TAFA2: variants seen among roughly 807,000 people sequenced by gnomAD.
The protein encoded by TAFA2 is TAFA chemokine like family member 2, also known as chemokine-like protein TAFA-2.
TAFA2 carries 7 observed loss-of-function variants against 18.8 expected under a neutral mutation model. The ratio of observed to expected loss-of-function variants is 0.37; its 90% CI spans 0.21 to 0.70. TAFA2 has a LOEUF of 0.70. TAFA2 is among the 30% of genes least tolerant of loss of function. The pLI is 0.53. For missense variants in TAFA2, 122 were observed against 158.1 expected (o/e 0.77, Z 1.23); for synonymous variants, 60 against 54.2 (o/e 1.11, Z -0.47).
chr12:62,010,232 G>A (rs1663474), intron 1 of TAFA2, among the ~76,000 whole-genome samples: 52,066 of 145,598 alleles, frequency 0.36, 9,254 homozygotes, highest in East Asian at 0.46. Context: ...TTGTACTGCC[G>A]TGGTCTCGGC....
intron 2 of TAFA2, among the ~76,000 whole-genome samples, chr12:61,784,883 A>G (rs946069859): frequency 2.0e-5 from 3 of 151,442 alleles, no homozygotes; most frequent in Admixed American, 1.3e-4. Flanking sequence ...TGATGTTTCC[A>G]TACATACAAT....
At chr12:62,112,964 C>T (rs576093033) in intron 1 of TAFA2, among the ~76,000 whole-genome samples, 1 of 152,168 alleles carries the variant, frequency 6.6e-6, no homozygotes, top group East Asian at 1.9e-4. Context: ...TATTACCCAC[C>T]TTCTGAAGCC....
At chr12:61,753,951 T>C (rs938259197) in intron 3 of TAFA2, among the ~76,000 whole-genome samples, 1 of 152,110 alleles carries the variant, frequency 6.6e-6, no homozygotes, top group Admixed American at 6.6e-5. Flanking sequence ...TTTTTTATTT[T>C]ATTGTAATGA....
intron 1 of TAFA2, among the ~76,000 whole-genome samples, chr12:62,213,266 A>C (rs1424166507): frequency 6.6e-6 from 1 of 152,148 alleles, no homozygotes; most frequent in Non-Finnish European, 1.5e-5. Flanking sequence ...CCCTAGGTGT[A>C]CTCTGTTTAT....
At chr12:62,054,807 A>G (rs979412948) in intron 1 of TAFA2, among the ~76,000 whole-genome samples, 3 of 152,214 alleles carry the variant, frequency 2.0e-5, no homozygotes, top group African/African-American at 4.8e-5. Flanking sequence ...TGGTGATTTC[A>G]GGAATACAGA....
At chr12:61,991,707 T>A (rs953182873) in intron 1 of TAFA2, among the ~76,000 whole-genome samples, 7 of 152,292 alleles carry the variant, frequency 4.6e-5, no homozygotes, top group African/African-American at 1.4e-4. Flanking sequence ...CTTAAAAGAT[T>A]TTTCTGTGCT....
At chr12:61,920,028 G>A (rs769876381) in intron 1 of TAFA2, among the ~76,000 whole-genome samples, 1 of 152,062 alleles carries the variant, frequency 6.6e-6, no homozygotes, top group Non-Finnish European at 1.5e-5. Context: ...TAAAAATAAA[G>A]TAATGACTCT....
chr12:61,735,937 T>G (rs2120676470), intron 4 of TAFA2, among the ~76,000 whole-genome samples: 3 of 152,150 alleles, frequency 2.0e-5, no homozygotes, highest in Admixed American at 2.0e-4. Flanking sequence ...AAGCATGCCT[T>G]AAACATATCT....
rs138171430 is a variant in TAFA2, at chr12:62,190,301, G to A, written c.-2+958C>T. Among the ~76,000 whole-genome samples, 377 of 152,220 alleles carry A rather than the reference G, an allele frequency of 2.5e-3. 1 individual carries two copies. The highest frequency in any genetic ancestry group is 8.8e-3 in the African/African-American group (364 of 41,530). ...TCAACCTGCAGTTCTGAGAGAAATAGGGCGACGGATCTCAAACTTTCCTTT... is the reference window on the plus strand; with the variant it reads ...TCAACCTGCAGTTCTGAGAGAAATAAGGCGACGGATCTCAAACTTTCCTTT... On this transcript the variant is annotated intron_variant, in intron 1 of 4. Transcript: ENST00000416284.
chr12:61,766,591 C>A (rs1869801574), intron 2 of TAFA2, among the ~76,000 whole-genome samples: 1 of 152,040 alleles, frequency 6.6e-6, no homozygotes, highest in Non-Finnish European at 1.5e-5. Context: ...TTTATATTTA[C>A]TTTTTATATC....
chr12:61,818,661 C>G (rs569145835), intron 2 of TAFA2, among the ~76,000 whole-genome samples: 1 of 152,196 alleles, frequency 6.6e-6, no homozygotes, highest in East Asian at 1.9e-4. Flanking sequence ...TACTGGGGTC[C>G]CTGAGATAGT....
At chr12:62,256,030 A>G (rs1002336575) in intron 1 of TAFA2, among the ~76,000 whole-genome samples, 2 of 152,092 alleles carry the variant, frequency 1.3e-5, no homozygotes, top group African/African-American at 4.8e-5. Context: ...GCACTTTGGG[A>G]GGCTGAGGCG....
intron 4 of TAFA2, among the ~76,000 whole-genome samples, chr12:61,745,091 C>T (rs1418412040): frequency 1.3e-5 from 2 of 151,980 alleles, no homozygotes; most frequent in Non-Finnish European, 2.9e-5. Context: ...CTGAATCTCT[C>T]ATTACTATAG....
intron 1 of TAFA2, among the ~76,000 whole-genome samples, chr12:61,991,097 C>G (rs1212438544): frequency 6.6e-6 from 1 of 152,126 alleles, no homozygotes; most frequent in Non-Finnish European, 1.5e-5. Context: ...TTTTCTGGAA[C>G]CAGGTTGTCT....
At chr12:62,161,213 C>A (rs972352193) in intron 1 of TAFA2, among the ~76,000 whole-genome samples, 2 of 152,042 alleles carry the variant, frequency 1.3e-5, no homozygotes, top group East Asian at 1.9e-4. Context: ...CAGATAAATA[C>A]CAAAGAAAAA....
chr12:61,944,187 C>A (rs1445260118), intron 1 of TAFA2, among the ~76,000 whole-genome samples: 9 of 146,300 alleles, frequency 6.2e-5, no homozygotes, highest in African/African-American at 2.3e-4. Context: ...AACTGAACAA[C>A]CTGCTCCTGA....
intron 2 of TAFA2, among the ~76,000 whole-genome samples, chr12:61,808,904 A>G (rs575248300): frequency 9.9e-5 from 15 of 151,750 alleles, no homozygotes; most frequent in African/African-American, 3.7e-4. Context: ...AAATTGTATT[A>G]TTAAATGTAT....
At chr12:62,190,569 C>T (rs1049122323) in intron 1 of TAFA2, among the ~76,000 whole-genome samples, 2 of 152,196 alleles carry the variant, frequency 1.3e-5, no homozygotes, top group African/African-American at 2.4e-5. Flanking sequence ...TTAAGAGAAT[C>T]ATTTACTAAA....
chr12:61,838,061 G>C (rs988371832), intron 2 of TAFA2, among the ~76,000 whole-genome samples: 6 of 152,084 alleles, frequency 3.9e-5, no homozygotes, highest in Admixed American at 3.9e-4. Flanking sequence ...AGACATTTTA[G>C]GGGACTAAAT....
Sources: gnomAD v4.1 joint callset for allele counts (sites outside exome capture counted in the v4.1 genomes callset) on GRCh38, gnomAD v4.1.1 for gene constraint, MANE v1.5 for transcripts, NCBI Gene and HGNC (gene_info 2026-07-23, HGNC 2026-07-21) for gene names.